The following RRAS2 variants were observed in gnomAD, a reference collection of about 807,000 sequenced individuals.
The protein encoded by RRAS2 is RAS related 2.
In RRAS2, 7 loss-of-function variants were observed where a neutral mutation model predicts 27.6. The observed-to-expected ratio is 0.25, with a 90% CI of 0.14 to 0.48. The LOEUF is 0.48. Ranked by LOEUF, RRAS2 falls within the 20% of genes least tolerant of loss-of-function variation. RRAS2 has a pLI of 0.99. For synonymous variants in RRAS2, 86 were observed against 90.9 expected (o/e 0.95, Z 0.31); for missense variants, 178 against 256.2 (o/e 0.69, Z 2.08).
Position 14,358,729 on chromosome 11 carries a change from G to A in RRAS2, c.108+34C>T, listed in dbSNP as rs782287512. Reference sequence around the variant, plus strand: ...GTAGCGCCAGCCCCCGCCCGCCGCCGCTCCGGCGCCCCGGGCAGGCCCGCT... The same window carrying A: ...GTAGCGCCAGCCCCCGCCCGCCGCCACTCCGGCGCCCCGGGCAGGCCCGCT... On this transcript the variant is annotated intron_variant, in intron 1 of 5. Coordinates refer to ENST00000256196, the MANE Select transcript of RRAS2 (RefSeq NM_012250.6). This position sits in a 1 kb window ranked among gnomAD's most constrained non-coding sequence, Gnocchi z 5.1. 3.4e-5 allele frequency: 43 copies of A among 1,248,388 alleles called. No individual in the cohort carries two copies. Among genetic ancestry groups the A allele is most frequent in the Admixed American group, 6.8e-5 (2 of 29,384 alleles). The allele number at this position is 1,248,388 out of a possible 1,614,324, so 77.3% of individuals were successfully genotyped here.
intron 1 of RRAS2, among the ~76,000 whole-genome samples, chr11:14,341,237 G>A (rs1173840783): frequency 6.6e-6 from 1 of 152,128 alleles, no homozygotes; most frequent in African/African-American, 2.4e-5. Flanking sequence ...CAGAGCACAG[G>A]TCTAGTATGA....
At chr11:14,325,254 C>T (rs1309414354) in intron 1 of RRAS2, among the ~76,000 whole-genome samples, 2 of 152,126 alleles carry the variant, frequency 1.3e-5, no homozygotes, top group East Asian at 3.9e-4. Flanking sequence ...AATGAGCTTG[C>T]ACTAGCACTT....
At chr11:14,361,386 A>G (rs1003930111), upstream of RRAS2, among the ~76,000 whole-genome samples, 1 of 152,224 alleles carries the variant, frequency 6.6e-6, no homozygotes, top group Non-Finnish European at 1.5e-5. Context: ...AGCAAAACAA[A>G]ATTGTTGTGG....
intron 4 of RRAS2, among the ~76,000 whole-genome samples, chr11:14,287,737 T>C (rs1299937640): frequency 3.3e-5 from 5 of 151,906 alleles, no homozygotes; most frequent in Non-Finnish European, 7.4e-5. Context: ...CCGGGTGTGA[T>C]GGCACGGGCC....
chr11:14,361,249 C>CA (rs1849187754), upstream of RRAS2, among the ~76,000 whole-genome samples: 1 of 151,248 alleles, frequency 6.6e-6, no homozygotes, highest in Admixed American at 6.6e-5. Flanking sequence ...ATCGTGAGAT[C>CA]ACGAGATCAC....
chr11:14,339,911 C>T (rs1288223705), intron 1 of RRAS2, among the ~76,000 whole-genome samples: 2 of 151,582 alleles, frequency 1.3e-5, no homozygotes, highest in Non-Finnish European at 2.9e-5. Context: ...CTCAGGAGTT[C>T]GAGACCAGCC....
intron 1 of RRAS2, among the ~76,000 whole-genome samples, chr11:14,335,651 C>A (rs1405638321): frequency 3.9e-5 from 6 of 152,152 alleles, no homozygotes; most frequent in Non-Finnish European, 7.3e-5. Context: ...CCCTATTTCT[C>A]CTGCTAAAAA....
chr11:14,282,242 G>A (rs1324895700), intron 4 of RRAS2, among the ~76,000 whole-genome samples: 1 of 152,164 alleles, frequency 6.6e-6, no homozygotes, highest in Non-Finnish European at 1.5e-5. Context: ...GAGAGAAAAT[G>A]GCAAGAGGTG....
At chr11:14,322,986 C>G (rs532866358) in intron 1 of RRAS2, among the ~76,000 whole-genome samples, 8 of 152,258 alleles carry the variant, frequency 5.3e-5, no homozygotes, top group African/African-American at 1.9e-4. Context: ...AAAAGCGTAT[C>G]TCTTCAAACA....
At chr11:14,318,484 CAG>C (rs1156982420) in intron 1 of RRAS2, among the ~76,000 whole-genome samples, 4 of 151,796 alleles carry the variant, frequency 2.6e-5, no homozygotes, top group African/African-American at 9.7e-5. Context: ...GCCTGGGTGA[CAG>C]AGAGAGAATC....
At chr11:14,323,026 A>G (rs1848260255) in intron 1 of RRAS2, among the ~76,000 whole-genome samples, 1 of 152,258 alleles carries the variant, frequency 6.6e-6, no homozygotes, top group Non-Finnish European at 1.5e-5. Flanking sequence ...GACAGACTAT[A>G]GTGAACATAA....
intron 1 of RRAS2, among the ~76,000 whole-genome samples, chr11:14,320,546 G>T (rs1848200094): frequency 6.6e-6 from 1 of 152,104 alleles, no homozygotes. Flanking sequence ...TTTTCCTATG[G>T]AAACTCATTA....
At chr11:14,356,727 T>G in intron 1 of RRAS2, 1 of 452,764 alleles carries the variant, frequency 2.2e-6, no homozygotes, top group Non-Finnish European at 4.4e-6. Flanking sequence ...AGCATCCAGG[T>G]ACTATACTAT....
chr11:14,320,921 C>A (rs1554950200), intron 1 of RRAS2, among the ~76,000 whole-genome samples: 2 of 152,190 alleles, frequency 1.3e-5, no homozygotes, highest in Admixed American at 6.5e-5. Flanking sequence ...TGGCTCACGC[C>A]TATAATCCCA....
intron 1 of RRAS2, among the ~76,000 whole-genome samples, chr11:14,355,338 T>C (rs1272690164): frequency 6.6e-6 from 1 of 152,162 alleles, no homozygotes; most frequent in Non-Finnish European, 1.5e-5. Flanking sequence ...CTAACCACTC[T>C]GTACCATCCT....
chr11:14,351,848 T>C (rs1487976248), intron 1 of RRAS2, among the ~76,000 whole-genome samples: 2 of 149,648 alleles, frequency 1.3e-5, no homozygotes, highest in African/African-American at 4.9e-5. Context: ...TGAGCCGAGA[T>C]TGTGCCACTG....
chr11:14,363,218 TCA>T (rs1554956325), upstream of RRAS2, among the ~76,000 whole-genome samples: 1 of 152,246 alleles, frequency 6.6e-6, no homozygotes, highest in African/African-American at 2.4e-5. Flanking sequence ...CACTCTTCTA[TCA>T]CACACCACCC....
intron 4 of RRAS2, among the ~76,000 whole-genome samples, chr11:14,288,485 A>T (rs1365985467): frequency 6.6e-6 from 1 of 152,256 alleles, no homozygotes; most frequent in Non-Finnish European, 1.5e-5. Context: ...ACAGAGCCAT[A>T]GCACTGTGGA....
At chr11:14,334,216 A>G (rs1848544275) in intron 1 of RRAS2, among the ~76,000 whole-genome samples, 1 of 152,204 alleles carries the variant, frequency 6.6e-6, no homozygotes, top group African/African-American at 2.4e-5. Context: ...AACTTTACCT[A>G]TAACAGGTAG....
Sources: allele counts gnomAD v4.1 joint callset (sites outside exome capture counted in the v4.1 genomes callset), GRCh38; gene constraint gnomAD v4.1.1; non-coding constraint Gnocchi (gnomAD v3.1); transcripts MANE v1.5; gene names NCBI Gene and HGNC (gene_info 2026-07-23, HGNC 2026-07-21).